NXT2: variants seen among roughly 807,000 people sequenced by gnomAD.
NXT2 encodes the protein nuclear transport factor 2 like export factor 2.
Under a neutral mutation model 9.6 loss-of-function variants are expected in NXT2, and 1 was observed. That is an observed-to-expected ratio of 0.10 (90% CI 0.04 to 0.49). The LOEUF (loss-of-function observed/expected upper bound fraction) is 0.49. NXT2 is among the 20% of genes least tolerant of loss of function. The pLI is 0.95. For synonymous variants in NXT2, 22 were observed against 35.4 expected (o/e 0.62, Z 1.34); for missense variants, 48 against 100.3 (o/e 0.48, Z 2.23).
intron 1 of NXT2, chrX:109,537,265 G>T (rs1417887795): frequency 7.1e-6 from 7 of 988,403 alleles, no homozygotes; most frequent in Non-Finnish European, 8.9e-6. Context: ...AGGCGGGGAT[G>T]TTGGGGTTTG....
At chrX:109,537,191 C>A in intron 1 of NXT2, 170 bp downstream of exon 1, 1 of 1,043,274 alleles carries the variant, frequency 9.6e-7, no homozygotes. Context: ...GCCGGCCCCA[C>A]CCCCAGCCTG....
intron 2 of NXT2, among the ~76,000 whole-genome samples, chrX:109,538,664 C>G: frequency 9.1e-6 from 1 of 110,366 alleles, no homozygotes; most frequent in Non-Finnish European, 1.9e-5. Context: ...CTCAACAGAC[C>G]GAGATTTCAT....
At position 109,542,742 on chromosome X, in the gene NXT2, T is replaced by C; in HGVS notation, c.*54T>C. 1.1e-6 allele frequency: 1 copy of C among 909,990 alleles called. No individual in the cohort carries two copies. Among genetic ancestry groups the C allele is most frequent in the South Asian group, 3.1e-5 (1 of 32,427 alleles). The allele number at this position is 909,990 out of a possible 1,213,427, so 75.0% of individuals were successfully genotyped here. On this transcript the variant is annotated 3_prime_UTR_variant, in exon 4 of 4. Coordinates refer to ENST00000372106, the MANE Select transcript of NXT2 (RefSeq NM_001242617.2). ...CATTAGTTCCAGCAATTGAAATTTA[T>C]GTGAATTATTTTGATTGTAGAAGCA...
rs768285450 is a variant in NXT2, at chrX:109,542,497, G to A, written c.248-10G>A. 1.7e-6 allele frequency: 2 copies of A among 1,156,082 alleles called. No homozygotes were observed. Among genetic ancestry groups the A allele is most frequent in the East Asian group, 3.1e-5 (1 of 32,709 alleles). On this transcript the variant is annotated splice_polypyrimidine_tract_variant and intron_variant, in intron 3 of 3. Coordinates refer to ENST00000372106, the MANE Select transcript of NXT2 (RefSeq NM_001242617.2). Reference sequence around the variant, plus strand: ...TGATGTGTTCTCTTTTTTTTTTAATGTGGATGAAGAGCAAGCAACTCAGTC... The same window carrying A: ...TGATGTGTTCTCTTTTTTTTTTAATATGGATGAAGAGCAAGCAACTCAGTC...
At chrX:109,536,114 A>C (rs1308211562), upstream of NXT2, 6 of 462,951 alleles carry the variant, frequency 1.3e-5, no homozygotes, top group East Asian at 2.3e-4. Flanking sequence ...TTGAATCTCA[A>C]CTAGTTTGTG....
intron 3 of NXT2, 108 bp downstream of exon 3, chrX:109,541,727 T>G: frequency 1.6e-6 from 1 of 608,692 alleles, no homozygotes; most frequent in South Asian, 6.0e-5. Flanking sequence ...ATTTACTTAC[T>G]TGAGCAAGTT....
chrX:109,537,208 A>C (rs1398460972), intron 1 of NXT2, 187 bp downstream of exon 1: 2 of 1,029,161 alleles, frequency 1.9e-6, no homozygotes, highest in African/African-American at 2.0e-5. Context: ...CCTGGTTAGC[A>C]GTCGCTTTCT....
chrX:109,537,014 C>T lies in NXT2; in HGVS notation c.8C>T (p.Thr3Met), dbSNP rs1323774189. 1.7e-6 allele frequency: 2 copies of T among 1,209,090 alleles called. No homozygotes were observed. The highest frequency in any genetic ancestry group is 1.7e-5 in the African/African-American group (1 of 57,259). Residue 3 changes from threonine to methionine, a missense_variant, in exon 1 of 4, where the codon ACG becomes ATG. Physicochemically the swap from Thr to Met is moderately conservative, Grantham distance 81. Transcript: ENST00000372106. MA[T>M]SLDFKTYVDQ... ...ACTGCTACAAGGTCCCAGATGGCCA[C>T]GTCTCTGGTGAGTGCCTGGGCCGTG...
intron 2 of NXT2, among the ~76,000 whole-genome samples, chrX:109,539,970 C>G (rs774782733): frequency 2.7e-4 from 30 of 111,678 alleles, no homozygotes; most frequent in Non-Finnish European, 4.5e-4. Flanking sequence ...TTGGGTGTTA[C>G]GTTTAAGTGT....
At chrX:109,537,904 G>A (rs918256406) in intron 1 of NXT2, 141 bp from the exon 2 acceptor site, 165 of 377,392 alleles carry the variant, frequency 4.4e-4, no homozygotes, top group African/African-American at 3.9e-3. Flanking sequence ...CCTTTAAAAT[G>A]TCTGAATTTA....
At chrX:109,536,766 T>C, upstream of NXT2, 1 of 924,218 alleles carries the variant, frequency 1.1e-6, no homozygotes, top group Non-Finnish European at 1.4e-6. Flanking sequence ...AACAAGTAGA[T>C]AAGGTGGATG....
In NXT2 at chrX:109,544,040, C is replaced by G. The variant is rs1249599380; in HGVS notation, c.*1352C>G. 8.9e-6 allele frequency: 1 copy of G among 112,741 alleles called. No individual in the cohort carries two copies. The highest frequency in any genetic ancestry group is 1.9e-5 in the Non-Finnish European group (1 of 53,187). The allele number at this position is 112,741 out of a possible 1,213,427, so 9.3% of individuals were successfully genotyped here. ...AAGAAAATAGAGAATAGCAAATCTT[C>G]ATGATAATCCTCAAAAGAACAAAAT... is the stretch of plus-strand genomic sequence containing the variant. On this transcript the variant is annotated 3_prime_UTR_variant, in exon 4 of 4. Coordinates refer to ENST00000372106, the MANE Select transcript of NXT2 (RefSeq NM_001242617.2).
At chrX:109,539,963 G>A (rs1933376467) in intron 2 of NXT2, among the ~76,000 whole-genome samples, 2 of 111,573 alleles carry the variant, frequency 1.8e-5, no homozygotes, top group African/African-American at 6.5e-5. Flanking sequence ...TATGGTTTTG[G>A]GTGTTACGTT....
At position 109,538,140 on chromosome X, in the gene NXT2, T is replaced by TA; in HGVS notation, c.102+10dup. 9.6e-7 allele frequency: 1 copy of TA among 1,047,014 alleles called. No homozygotes were observed. The highest frequency in any genetic ancestry group is 1.3e-6 in the Non-Finnish European group (1 of 747,658). 86.3% of individuals were successfully genotyped at this position (1,047,014 alleles called of 1,213,427 possible). On this transcript the variant is annotated intron_variant, in intron 2 of 3. Coordinates refer to ENST00000372106, the MANE Select transcript of NXT2 (RefSeq NM_001242617.2). ...TGGATAAAAGAAGACGGGTGAGTGT[T>TA]ATAGACTCTACTACTCTTTATAGAC...
intron 1 of NXT2, 53 bp downstream of exon 1, chrX:109,537,074 G>T: frequency 8.5e-7 from 1 of 1,179,548 alleles, no homozygotes. Context: ...CAGTGGCTGA[G>T]AGGAGGGATT....
chrX:109,535,839 T>C (rs753074814), upstream of NXT2: 31 of 1,013,686 alleles, frequency 3.1e-5, no homozygotes, highest in Non-Finnish European at 4.2e-5. Context: ...CCGTTAGTCC[T>C]ACCTTGAAGA....
upstream of NXT2, chrX:109,535,954 G>A: frequency 8.3e-7 from 1 of 1,201,113 alleles, no homozygotes; most frequent in Non-Finnish European, 1.1e-6. Context: ...ACTATTATGA[G>A]GGGCCACACA....
chrX:109,536,024 T>C, upstream of NXT2: 1 of 1,012,465 alleles, frequency 9.9e-7, no homozygotes. Context: ...TCAGAAGTCA[T>C]TGGCGGCTTT....
chrX:109,544,173 G>A lies in NXT2; in HGVS notation c.*1485G>A. ...TAATGTTTGTAAGCTAGATATGCCA[G>A]CTTTGTTTCTACATTGCAACCAAAA... On this transcript the variant is annotated 3_prime_UTR_variant, in exon 4 of 4. Coordinates refer to ENST00000372106, the MANE Select transcript of NXT2 (RefSeq NM_001242617.2). 1 of 112,441 alleles carries A rather than the reference G, an allele frequency of 8.9e-6. No homozygotes were observed. The highest frequency in any genetic ancestry group is 3.2e-5 in the African/African-American group (1 of 30,970). 9.3% of individuals were successfully genotyped at this position (112,441 alleles called of 1,213,427 possible).
Sources: allele counts gnomAD v4.1 joint callset (sites outside exome capture counted in the v4.1 genomes callset), GRCh38; gene constraint gnomAD v4.1.1; transcripts MANE v1.5; gene names NCBI Gene and HGNC (gene_info 2026-07-23, HGNC 2026-07-21).